VWA3B: variants seen among roughly 807,000 people sequenced by gnomAD.
The protein encoded by VWA3B is von Willebrand factor A domain containing 3B.
In VWA3B, 138 loss-of-function variants were observed where a neutral mutation model predicts 158.3. The ratio of observed to expected loss-of-function variants is 0.87; its 90% CI spans 0.76 to 1.00. The LOEUF (loss-of-function observed/expected upper bound fraction) is 1.00, where lower values mean the gene tolerates loss of function less well. Among genes scored for constraint, VWA3B ranks in the 50% least tolerant of loss-of-function variants. VWA3B has a pLI of 0.00. For synonymous variants in VWA3B, 596 were observed against 587.3 expected, an observed-to-expected ratio of 1.01 and a Z score of -0.21; for missense variants, 1,555 against 1,565.1, an observed-to-expected ratio of 0.99 and a Z score of 0.11.
intron 12 of VWA3B, among the ~76,000 whole-genome samples, chr2:98,204,375 T>C (rs929271534): frequency 2.6e-5 from 4 of 152,250 alleles, no homozygotes; most frequent in African/African-American, 9.6e-5. Context: ...TCCCATTAAG[T>C]ATGATGTTAG....
At chr2:98,288,551 A>G (rs1220659248) in intron 22 of VWA3B, among the ~76,000 whole-genome samples, 2 of 152,198 alleles carry the variant, frequency 1.3e-5, no homozygotes, top group African/African-American at 4.8e-5. Context: ...AAATAAAGAC[A>G]TTCTCTTCTC....
intron 9 of VWA3B, among the ~76,000 whole-genome samples, chr2:98,186,344 C>T (rs973420713): frequency 6.6e-6 from 1 of 151,892 alleles, no homozygotes; most frequent in African/African-American, 2.4e-5. Context: ...TCCTCCAGTC[C>T]CATGGCTTTT....
chr2:98,174,715 T>C (rs761634278), intron 8 of VWA3B, among the ~76,000 whole-genome samples: 3 of 152,190 alleles, frequency 2.0e-5, no homozygotes, highest in Non-Finnish European at 4.4e-5. Context: ...GCTGTGGGCA[T>C]GCCCAGGCTA....
At chr2:98,311,277 T>C (rs1219534451) in intron 26 of VWA3B, among the ~76,000 whole-genome samples, 1 of 152,248 alleles carries the variant, frequency 6.6e-6, no homozygotes, top group Non-Finnish European at 1.5e-5. Flanking sequence ...ATAAGCTTTG[T>C]CAGCGTATTT....
At chr2:98,224,012 G>A (rs1366873619) in intron 14 of VWA3B, among the ~76,000 whole-genome samples, 1 of 152,188 alleles carries the variant, frequency 6.6e-6, no homozygotes, top group African/African-American at 2.4e-5. Context: ...ACAGGTATTA[G>A]CAACCCCAAA....
chr2:98,113,447 T>C (rs1400442541), intron 2 of VWA3B, among the ~76,000 whole-genome samples: 1 of 152,170 alleles, frequency 6.6e-6, no homozygotes, highest in African/African-American at 2.4e-5. Context: ...GAAAAAAATC[T>C]GCATATAAGT....
At chr2:98,194,115 C>T (rs750214928) in intron 11 of VWA3B, among the ~76,000 whole-genome samples, 8 of 151,944 alleles carry the variant, frequency 5.3e-5, no homozygotes, top group South Asian at 2.1e-4. Context: ...TTTACATATA[C>T]GTGACATATA....
At chr2:98,251,229 T>A (rs1204295597) in intron 20 of VWA3B, among the ~76,000 whole-genome samples, 2 of 152,192 alleles carry the variant, frequency 1.3e-5, no homozygotes, top group African/African-American at 4.8e-5. Context: ...TATCTTCCCT[T>A]TCCAATATCC....
rs557138440 is a variant in VWA3B at position 98,173,571 on chromosome 2, C to T, written c.1115-7445C>T. On this transcript the variant is annotated intron_variant, in intron 8 of 27. Coordinates refer to ENST00000477737, the MANE Select transcript of VWA3B (RefSeq NM_144992.5). The stretch of plus-strand genomic sequence containing the variant: ...TCTCCCCAAATTTGGGAGAATTGGT[C>T]GATTAGCATTTTGTAGATGCTATAC... Among the ~76,000 whole-genome samples the T allele has an allele frequency of 3.9e-5, 6 of 152,194 alleles. No homozygotes were observed. In the East Asian group the frequency reaches 5.8e-4, roughly 15 times the overall value.
chr2:98,299,942 A>C, intron 24 of VWA3B, 137 bp from the exon 25 acceptor site: 1 of 1,199,418 alleles, frequency 8.3e-7, no homozygotes. Flanking sequence ...ACTCTTTCTT[A>C]ACTGAGAAAA....
At chr2:98,271,981 G>T (rs140377868) in intron 22 of VWA3B, among the ~76,000 whole-genome samples, 1 of 152,148 alleles carries the variant, frequency 6.6e-6, no homozygotes, top group Non-Finnish European at 1.5e-5. Context: ...CGGTGCTCTC[G>T]CACCACAACA....
intron 1 of VWA3B, among the ~76,000 whole-genome samples, chr2:98,091,894 G>C (rs148798908): frequency 6.6e-6 from 1 of 152,352 alleles, no homozygotes; most frequent in African/African-American, 2.4e-5. Flanking sequence ...CAGGTCACCA[G>C]GCCCTGCCCA....
intron 3 of VWA3B, among the ~76,000 whole-genome samples, chr2:98,117,387 A>G (rs1427049021): frequency 6.6e-6 from 1 of 152,230 alleles, no homozygotes; most frequent in East Asian, 1.9e-4. Flanking sequence ...CGCTCAGCTC[A>G]GCATTCCTGG....
chr2:98,244,968 A>C (rs1193855353), intron 19 of VWA3B, among the ~76,000 whole-genome samples: 1 of 152,052 alleles, frequency 6.6e-6, no homozygotes, highest in Non-Finnish European at 1.5e-5. Context: ...ATGGTCAGTG[A>C]CTGTCTCTCT....
chr2:98,208,974 G>A (rs975858600), intron 12 of VWA3B, among the ~76,000 whole-genome samples: 1 of 152,100 alleles, frequency 6.6e-6, no homozygotes, highest in Non-Finnish European at 1.5e-5. Context: ...CAACCCTGGA[G>A]GATATTTTCC....
At chr2:98,319,177 T>A in the VWA3B span, among the ~76,000 whole-genome samples, 1 of 151,396 alleles carries the variant, frequency 6.6e-6, no homozygotes, top group Non-Finnish European at 1.5e-5. Flanking sequence ...ATTAGATCCA[T>A]GCCTCACACC....
chr2:98,270,989 A>T, intron 22 of VWA3B, 106 bp downstream of exon 22: 1 of 1,157,090 alleles, frequency 8.6e-7, no homozygotes, highest in South Asian at 1.5e-5. Flanking sequence ...CGCCACACTG[A>T]TTTCTAAAAG....
intron 17 of VWA3B, among the ~76,000 whole-genome samples, chr2:98,235,031 T>C (rs1208893317): frequency 6.6e-6 from 1 of 152,042 alleles, no homozygotes; most frequent in Admixed American, 6.5e-5. Context: ...CCCTCCATGG[T>C]TTGATTTTGA....
intron 6 of VWA3B, 179 bp from the exon 7 acceptor site, chr2:98,133,645 T>G: frequency 1.6e-6 from 1 of 613,908 alleles, no homozygotes; most frequent in Non-Finnish European, 2.9e-6. Context: ...CTCTGTGCTA[T>G]TCTGCCTCCC....
Sources: allele counts gnomAD v4.1 joint callset (sites outside exome capture counted in the v4.1 genomes callset), GRCh38; gene constraint gnomAD v4.1.1; transcripts MANE v1.5; gene names NCBI Gene and HGNC (gene_info 2026-07-23, HGNC 2026-07-21).